TMEM144: variants seen among roughly 807,000 people sequenced by gnomAD.
The protein encoded by TMEM144 is transmembrane protein 144.
TMEM144 carries 39 observed loss-of-function variants against 43.6 expected under a neutral mutation model. That is an observed-to-expected ratio of 0.90 (90% CI 0.69 to 1.17). The LOEUF is 1.17. Ranked by LOEUF, TMEM144 falls within the 50% of genes most tolerant of loss-of-function variation. The probability of loss-of-function intolerance (pLI) is 0.00; values close to 1 mark genes in which losing one functional copy is unlikely to be tolerated. For missense variants in TMEM144, 417 were observed against 411.9 expected (o/e 1.01, Z -0.11); for synonymous variants, 154 against 133.6 (o/e 1.15, Z -1.06).
rs1733962011 is a variant in TMEM144 at position 158,211,569 on chromosome 4, A to G, written c.-66A>G. 6.6e-6 allele frequency: 1 copy of G among 152,198 alleles called. No homozygotes were observed. The highest frequency in any genetic ancestry group is 2.1e-4 in the South Asian group (1 of 4,824). 9.4% of individuals were successfully genotyped at this position (152,198 alleles called of 1,614,324 possible). ...TGCCTCAGCTGACCCTTGAGCCATA[A>G]CCCATGTAAGTCACTGCAGGGCTGA... On this transcript the variant is annotated 5_prime_UTR_variant, in exon 2 of 13. Transcript: ENST00000296529.
chr4:158,250,611 A>G (rs1736153330), intron 12 of TMEM144, among the ~76,000 whole-genome samples: 1 of 152,294 alleles, frequency 6.6e-6, no homozygotes, highest in Non-Finnish European at 1.5e-5. Context: ...CAAAGACAGA[A>G]CCACCCTCTA....
rs549136447 is a variant in TMEM144 at position 158,254,294 on chromosome 4, A to G, written c.*767A>G. ...TTGTAGGTTATCAGTAACAATTTAA[A>G]GGAAACAACCACTCTTTTGAATGTA... is the stretch of plus-strand genomic sequence containing the variant. On this transcript the variant is annotated 3_prime_UTR_variant, in exon 13 of 13. Coordinates refer to ENST00000296529, the MANE Select transcript of TMEM144 (RefSeq NM_018342.5). 1 of 152,330 alleles carries G rather than the reference A, an allele frequency of 6.6e-6. No homozygotes were observed. Among genetic ancestry groups the G allele is most frequent in the Non-Finnish European group, 1.5e-5 (1 of 68,032 alleles). The allele number at this position is 152,330 out of a possible 1,614,324, so 9.4% of individuals were successfully genotyped here. A position where few individuals can be genotyped will look rare whatever the true frequency, so the allele number is the denominator to read the frequency against.
intron 12 of TMEM144, among the ~76,000 whole-genome samples, chr4:158,251,130 A>G (rs538811541): frequency 3.9e-5 from 6 of 152,212 alleles, no homozygotes; most frequent in Non-Finnish European, 5.9e-5. Context: ...AGGATCTAAT[A>G]GTATTATTAA....
At chr4:158,218,416 A>G (rs1180804010) in intron 5 of TMEM144, among the ~76,000 whole-genome samples, 3 of 152,104 alleles carry the variant, frequency 2.0e-5, no homozygotes, top group Admixed American at 2.0e-4. Flanking sequence ...AAAGCATTAT[A>G]ACCACCTCAA....
chr4:158,240,304 G>T lies in TMEM144; in HGVS notation c.688G>T (p.Asp230Tyr). 1 of 1,610,534 alleles carries T rather than the reference G, an allele frequency of 6.2e-7. No individual in the cohort carries two copies. ...TTTTTAATGTCTATTTTCAGATTTA[G>T]ACTATGTGTTTGCGCACTTCAGTGG... ...IYAGASQYDL[D>Y]YVFAHFSGIF... The change falls in exon 10 of 13, where the codon GAC (aspartate) becomes TAC (tyrosine). Residue 230 changes from aspartate to tyrosine, a missense_variant. Asp to Tyr is a radical substitution (Grantham distance 160). Transcript: ENST00000296529.
At chr4:158,223,257 A>G (rs1182633810) in intron 6 of TMEM144, among the ~76,000 whole-genome samples, 1 of 152,204 alleles carries the variant, frequency 6.6e-6, no homozygotes, top group African/African-American at 2.4e-5. Context: ...TGCCAGAAGT[A>G]CACTGAGAAT....
At chr4:158,215,438 T>C in intron 4 of TMEM144, 125 bp downstream of exon 4, 1 of 1,176,294 alleles carries the variant, frequency 8.5e-7, no homozygotes, top group Non-Finnish European at 1.1e-6. Context: ...ATACTAGAAA[T>C]TAACTAGTTT....
chr4:158,253,609 T>C lies in TMEM144; in HGVS notation c.*82T>C. On this transcript the variant is annotated 3_prime_UTR_variant, in exon 13 of 13. Transcript: ENST00000296529. ...CGGAGAGATCATGCTGAGAAAAGAG[T>C]GCATTTTCATATAGCAAATGGATCT... The C allele has an allele frequency of 1.7e-6, 2 of 1,161,008 alleles. No individual in the cohort carries two copies. The highest frequency in any genetic ancestry group is 2.5e-6 in the Non-Finnish European group (2 of 797,406). 71.9% of individuals were successfully genotyped at this position (1,161,008 alleles called of 1,614,324 possible).
chr4:158,221,276 G>A (rs1734494615), intron 6 of TMEM144, among the ~76,000 whole-genome samples: 1 of 152,138 alleles, frequency 6.6e-6, no homozygotes. Flanking sequence ...CCATAACCCT[G>A]AAGCCCACAC....
chr4:158,223,887 C>T (rs892444064), intron 6 of TMEM144, among the ~76,000 whole-genome samples: 1 of 152,178 alleles, frequency 6.6e-6, no homozygotes, highest in East Asian at 1.9e-4. Context: ...GTGCATGTGT[C>T]TTTATAATAG....
intron 12 of TMEM144, among the ~76,000 whole-genome samples, chr4:158,245,634 T>G (rs1048040321): frequency 2.6e-5 from 4 of 151,890 alleles, no homozygotes; most frequent in African/African-American, 9.7e-5. Flanking sequence ...TAGCCCAAAC[T>G]GTCGATAGCA....
intron 6 of TMEM144, among the ~76,000 whole-genome samples, chr4:158,232,587 A>G (rs1257382547): frequency 6.6e-6 from 1 of 152,270 alleles, no homozygotes; most frequent in Non-Finnish European, 1.5e-5. Context: ...TATAATAGCT[A>G]AGAAATATTA....
chr4:158,237,275 T>C, intron 8 of TMEM144: 1 of 376,280 alleles, frequency 2.7e-6, no homozygotes, highest in Non-Finnish European at 4.8e-6. Context: ...TTATAATCCA[T>C]TTTAATTTCT....
chr4:158,226,618 A>G (rs934813894), intron 6 of TMEM144, among the ~76,000 whole-genome samples: 4 of 152,122 alleles, frequency 2.6e-5, no homozygotes, highest in Non-Finnish European at 5.9e-5. Context: ...TACACCTTGC[A>G]CATAAACTGT....
At chr4:158,217,213 G>T (rs1233072065) in intron 4 of TMEM144, 108 bp from the exon 5 acceptor site, 1 of 698,166 alleles carries the variant, frequency 1.4e-6, no homozygotes, top group Non-Finnish European at 2.3e-6. Context: ...TACTAAATTT[G>T]TCCAAATCAC....
chr4:158,225,470 C>A (rs1734718424), intron 6 of TMEM144, among the ~76,000 whole-genome samples: 1 of 152,152 alleles, frequency 6.6e-6, no homozygotes, highest in African/African-American at 2.4e-5. Context: ...AATCCTGTAG[C>A]TATTTGATTT....
chr4:158,248,626 A>T (rs1453279937), intron 12 of TMEM144, among the ~76,000 whole-genome samples: 1 of 152,194 alleles, frequency 6.6e-6, no homozygotes, highest in African/African-American at 2.4e-5. Context: ...TAAATATCAT[A>T]AGAATAATTT....
intron 9 of TMEM144, 147 bp from the exon 10 acceptor site, chr4:158,240,152 T>TA (rs1356977401): frequency 1.2e-6 from 1 of 857,912 alleles, no homozygotes; most frequent in African/African-American, 1.7e-5. Flanking sequence ...CCCAAAGTGC[T>TA]AGGATTACAG....
intron 10 of TMEM144, 110 bp downstream of exon 10, chr4:158,240,528 G>GGT (rs1326496092): frequency 1.3e-5 from 16 of 1,220,762 alleles, no homozygotes; most frequent in East Asian, 2.4e-5. Flanking sequence ...GTGTATATGT[G>GGT]GTGTGTGTGT....
Sources: gnomAD v4.1 joint callset for allele counts (sites outside exome capture counted in the v4.1 genomes callset) on GRCh38, gnomAD v4.1.1 for gene constraint, MANE v1.5 for transcripts, NCBI Gene and HGNC (gene_info 2026-07-23, HGNC 2026-07-21) for gene names.